VPS8: variants seen among roughly 807,000 people sequenced by gnomAD.
VPS8 encodes the protein vacuolar protein sorting-associated protein 8 homolog.
In VPS8, 129 loss-of-function variants were observed where a neutral mutation model predicts 216.4. That is an observed-to-expected ratio of 0.60 (90% confidence interval 0.52 to 0.69). The LOEUF is 0.69. VPS8 is among the 30% of genes least tolerant of loss of function. The probability of loss-of-function intolerance (pLI) is 0.00; values close to 1 mark genes in which losing one functional copy is unlikely to be tolerated. For synonymous variants in VPS8, 571 were observed against 565.4 expected (o/e 1.01, Z -0.14); for missense variants, 1,531 against 1,683.5 (o/e 0.91, Z 1.59).
chr3:184,951,353 C>T (rs1744665505), intron 36 of VPS8, among the ~76,000 whole-genome samples: 1 of 151,866 alleles, frequency 6.6e-6, no homozygotes, highest in Admixed American at 6.6e-5. Flanking sequence ...AGCGTAGTGC[C>T]CCACACCTAT....
intron 21 of VPS8, among the ~76,000 whole-genome samples, chr3:184,879,155 C>A (rs1252570224): frequency 2.0e-5 from 3 of 152,148 alleles, no homozygotes; most frequent in Non-Finnish European, 4.4e-5. Flanking sequence ...AGTCACAATG[C>A]AATAAAATGA....
chr3:185,036,874 T>G (rs1340259037), intron 46 of VPS8, among the ~76,000 whole-genome samples: 1 of 152,100 alleles, frequency 6.6e-6, no homozygotes, highest in Non-Finnish European at 1.5e-5. Flanking sequence ...CTTAGCTTAG[T>G]AAAAGCTTTG....
chr3:184,969,932 C>T (rs552615701), intron 39 of VPS8, among the ~76,000 whole-genome samples: 67 of 98,098 alleles, frequency 6.8e-4, no homozygotes, highest in Non-Finnish European at 1.0e-3. Context: ...TTTTTTGAGA[C>T]GGAGTCTCAC....
chr3:184,983,236 T>A (rs1174107142), intron 42 of VPS8, 142 bp downstream of exon 42: 1 of 645,034 alleles, frequency 1.6e-6, no homozygotes, highest in African/African-American at 1.9e-5. Flanking sequence ...TATCTAAATA[T>A]CTAACTTCCG....
chr3:184,832,640 A>G, intron 3 of VPS8, 49 bp from the exon 4 acceptor site: 1 of 1,529,372 alleles, frequency 6.5e-7, no homozygotes, highest in South Asian at 1.2e-5. Flanking sequence ...GACTCATTTC[A>G]TAGAGTATTT....
rs536651185 is a variant in VPS8, at chr3:184,826,182, A to C, written c.173A>C (p.Asp58Ala). 8 of 1,610,196 alleles carry C rather than the reference A, an allele frequency of 5.0e-6. No individual in the cohort carries two copies. The African/African-American group carries it at 6.7e-5, about 13-fold the overall frequency. The change falls in exon 3 of 48, where the codon GAT becomes GCT. Residue 58 changes from aspartate (D) to alanine (A), a missense_variant. Transcript: ENST00000625842. ...KNDLIDDKEF[D>A]IPQVDTPPTL... ...ATTTAGATTGATGACAAGGAGTTTGATATTCCTCAAGTTGATACTCCTCCA... is the reference window on the plus strand; with the variant it reads ...ATTTAGATTGATGACAAGGAGTTTGCTATTCCTCAAGTTGATACTCCTCCA...
chr3:184,878,917 T>G (rs1729780248), intron 21 of VPS8, among the ~76,000 whole-genome samples: 1 of 151,948 alleles, frequency 6.6e-6, no homozygotes, highest in African/African-American at 2.4e-5. Context: ...GATAGATATG[T>G]TTATCTGTTT....
intron 23 of VPS8, among the ~76,000 whole-genome samples, chr3:184,897,985 T>C (rs1457915706): frequency 1.3e-5 from 2 of 152,106 alleles, no homozygotes; most frequent in Non-Finnish European, 2.9e-5. Context: ...ATATCCATTC[T>C]TTAGGTCCCA....
rs777482028 is a variant in VPS8, at chr3:184,936,248, A to G, written c.2901A>G (p.Glu967=). The G allele has an allele frequency of 7.5e-6, 12 of 1,605,746 alleles. No individual in the cohort carries two copies. In the South Asian group the frequency reaches 1.3e-4, roughly 18 times the overall value. Residue 967 remains glutamate (E), a splice_region_variant and synonymous_variant, in exon 35 of 48, where the codon GAA becomes GAG. Coordinates refer to ENST00000625842, the MANE Select transcript of VPS8 (RefSeq NM_001009921.3). Reference sequence around the variant, plus strand: ...TTTGTCTTTTCCTTTAACTCCAGGAACTCGTGTCCCTGAAGCCTTGTAAAG... The same window carrying G: ...TTTGTCTTTTCCTTTAACTCCAGGAGCTCGTGTCCCTGAAGCCTTGTAAAG... ...VWQKAMDHIE[E]LVSLKPCKAA... is the part of the protein sequence containing the mutation.
intron 8 of VPS8, among the ~76,000 whole-genome samples, chr3:184,847,219 G>A (rs1723299525): frequency 6.6e-6 from 1 of 152,122 alleles, no homozygotes; most frequent in African/African-American, 2.4e-5. Context: ...TATACTCATT[G>A]TTTCAGAACT....
In VPS8 at chr3:184,828,047, G is replaced by A. The variant is rs145264544; in HGVS notation, c.222+1816G>A. On this transcript the variant is annotated intron_variant, in intron 3 of 47. Coordinates refer to ENST00000625842, the MANE Select transcript of VPS8 (RefSeq NM_001009921.3). The stretch of plus-strand genomic sequence containing the variant: ...AAAACATAAATAAGACCTTTTCTCA[G>A]GATATGTGGATGCATATATTCTATA... Among the ~76,000 whole-genome samples the A allele has an allele frequency of 7.5e-3, 1,146 of 152,262 alleles. 16 individuals are homozygous for A. Among genetic ancestry groups the A allele is most frequent in the African/African-American group, 0.025 (1,031 of 41,540 alleles).
chr3:184,954,725 C>T (rs1239545660), intron 36 of VPS8, among the ~76,000 whole-genome samples: 1 of 152,070 alleles, frequency 6.6e-6, no homozygotes, highest in East Asian at 1.9e-4. Flanking sequence ...CTCTATTCTT[C>T]GTTTTTGTGG....
rs1737374721 is a variant in VPS8, at chr3:184,915,414, T to C, written c.2322T>C (p.Tyr774=). 6 of 1,613,978 alleles carry C rather than the reference T, an allele frequency of 3.7e-6. No homozygotes were observed. Among genetic ancestry groups the C allele is most frequent in the Non-Finnish European group, 4.2e-6 (5 of 1,179,850 alleles). Residue 774 remains tyrosine (Y), a synonymous_variant, in exon 28 of 48, where the codon TAT becomes TAC. Coordinates refer to ENST00000625842, the MANE Select transcript of VPS8 (RefSeq NM_001009921.3). ...AGGCTTCTCCTGAGGAAGAAATCTA[T>C]CCTTACATTCGGACTTTGCTACATT... ...SAEASPEEEI[Y]PYIRTLLHFD...
At chr3:184,876,586 TG>T (rs1256387148) in intron 21 of VPS8, among the ~76,000 whole-genome samples, 1 of 152,176 alleles carries the variant, frequency 6.6e-6, no homozygotes, top group Non-Finnish European at 1.5e-5. Context: ...CATTTCTGCT[TG>T]GATGTTTTGT....
chr3:184,915,007 C>T lies in VPS8; in HGVS notation c.2216C>T (p.Pro739Leu). 6.2e-7 allele frequency: 1 copy of T among 1,613,972 alleles called. No individual in the cohort carries two copies. Among genetic ancestry groups the T allele is most frequent in the Non-Finnish European group, 8.5e-7 (1 of 1,179,876 alleles). The change falls in exon 27 of 48, where the codon CCC becomes CTC. Residue 739 changes from proline to leucine, a missense_variant. Transcript: ENST00000625842. ...TGTTGTCTAGCAGGTCGTGCCTATC[C>T]CCTTGGTGACATCCCTGAAGATCTG... ...ISCCLAGRAY[P>L]LGDIPEDLVP...
chr3:184,864,997 C>A (rs763778157), intron 16 of VPS8, among the ~76,000 whole-genome samples: 4 of 152,064 alleles, frequency 2.6e-5, no homozygotes, highest in Non-Finnish European at 5.9e-5. Context: ...AGATGCACAT[C>A]AGACTTCTAG....
intron 25 of VPS8, among the ~76,000 whole-genome samples, chr3:184,911,732 A>G (rs1736566795): frequency 6.6e-6 from 1 of 152,200 alleles, no homozygotes; most frequent in African/African-American, 2.4e-5. Context: ...TAGCTGAGAA[A>G]GCTGGACGAG....
intron 40 of VPS8, among the ~76,000 whole-genome samples, chr3:184,981,793 T>C (rs1750256744): frequency 6.6e-6 from 1 of 152,208 alleles, no homozygotes; most frequent in Non-Finnish European, 1.5e-5. Flanking sequence ...TAGAGTCAGG[T>C]AATTGACTGG....
At chr3:184,820,164 A>G (rs370290101) in intron 1 of VPS8, among the ~76,000 whole-genome samples, 3 of 152,204 alleles carry the variant, frequency 2.0e-5, no homozygotes, top group African/African-American at 7.2e-5. Context: ...GTATAAAACA[A>G]TGCAGATTTA....
Sources: allele counts gnomAD v4.1 joint callset (sites outside exome capture counted in the v4.1 genomes callset), GRCh38; gene constraint gnomAD v4.1.1; transcripts MANE v1.5; gene names NCBI Gene and HGNC (gene_info 2026-07-23, HGNC 2026-07-21).